SPEF2: variants seen among roughly 807,000 people sequenced by gnomAD.
The protein encoded by SPEF2 is sperm flagella and cilia-associated protein 2.
A neutral mutation model predicts 224.6 loss-of-function variants in SPEF2; 187 were observed. That is an observed-to-expected ratio of 0.83 (90% CI 0.74 to 0.94). SPEF2 has a LOEUF of 0.94. Among genes scored for constraint, SPEF2 ranks in the 40% least tolerant of loss-of-function variants. SPEF2 has a pLI of 0.00. For synonymous variants in SPEF2, 715 were observed against 707.3 expected (o/e 1.01, Z -0.17); for missense variants, 2,170 against 2,135.6 (o/e 1.02, Z -0.32).
Position 35,655,549 on chromosome 5 carries a change from T to C in SPEF2, c.978+823T>C, listed in dbSNP as rs192700195. ...ACTTAGAGAAGTCCACCTGGCTTGC[T>C]TCAGGAGACAGTGTCTGGAGGACAA... On this transcript the variant is annotated intron_variant, in intron 7 of 36. Coordinates refer to ENST00000356031, the MANE Select transcript of SPEF2 (RefSeq NM_024867.4). Among the ~76,000 whole-genome samples the C allele has an allele frequency of 4.6e-5, 7 of 152,272 alleles. No individual in the cohort carries two copies. In the East Asian group the frequency reaches 1.4e-3, roughly 29 times the overall value.
intron 34 of SPEF2, among the ~76,000 whole-genome samples, chr5:35,801,516 A>G (rs900456777): frequency 1.3e-5 from 2 of 152,138 alleles, no homozygotes; most frequent in Admixed American, 1.3e-4. Context: ...CCATCTCAAA[A>G]AAAAAAAAAA....
At chr5:35,764,595 G>C (rs988301068) in intron 26 of SPEF2, 2 of 456,116 alleles carry the variant, frequency 4.4e-6, no homozygotes, top group Non-Finnish European at 8.8e-6. Context: ...AGCCTTCTTC[G>C]AGTTTCCATG....
intron 4 of SPEF2, among the ~76,000 whole-genome samples, chr5:35,645,316 G>A (rs989063): frequency 0.61 from 92,080 of 151,942 alleles, 28,601 homozygotes; most frequent in East Asian, 0.74. Context: ...GGAAGAATGG[G>A]AAGATGACAG....
intron 5 of SPEF2, among the ~76,000 whole-genome samples, chr5:35,647,120 G>A (rs1172527480): frequency 6.6e-6 from 1 of 152,186 alleles, no homozygotes; most frequent in Non-Finnish European, 1.5e-5. Context: ...TGTTGTAATG[G>A]GTCATGTCTT....
At chr5:35,778,127 G>A (rs73747971) in intron 29 of SPEF2, among the ~76,000 whole-genome samples, 5,093 of 152,266 alleles carry the variant, frequency 0.033, 249 homozygotes, top group South Asian at 0.12. Context: ...TGTTCAGTAT[G>A]TGGTATATTT....
intron 20 of SPEF2, among the ~76,000 whole-genome samples, chr5:35,722,480 G>C (rs1204665064): frequency 1.3e-5 from 2 of 150,798 alleles, no homozygotes; most frequent in Non-Finnish European, 3.0e-5. Flanking sequence ...TTTTTTCAAG[G>C]TTTTTTTTCT....
chr5:35,726,988 C>T (rs1445769495), intron 20 of SPEF2, among the ~76,000 whole-genome samples: 1 of 79,002 alleles, frequency 1.3e-5, no homozygotes, highest in Non-Finnish European at 3.0e-5. Flanking sequence ...AAGCACCCCC[C>T]CCCTTTCCTC....
chr5:35,690,810 A>T (rs374189246), intron 10 of SPEF2, among the ~76,000 whole-genome samples: 41 of 152,292 alleles, frequency 2.7e-4, no homozygotes, highest in African/African-American at 9.4e-4. Context: ...GCTCACTTTC[A>T]TAAGCTAAGA....
chr5:35,699,737 A>C (rs1403174629), intron 15 of SPEF2: 1 of 152,228 alleles, frequency 6.6e-6, no homozygotes, highest in Non-Finnish European at 1.5e-5. Flanking sequence ...ATGAATTAGG[A>C]AACTGAGGTG....
chr5:35,684,740 C>G (rs191967836), intron 10 of SPEF2, among the ~76,000 whole-genome samples: 225 of 152,210 alleles, frequency 1.5e-3, no homozygotes, highest in Middle Eastern at 0.014. Context: ...GTAGCAGAAG[C>G]CTTATATAAT....
intron 21 of SPEF2, among the ~76,000 whole-genome samples, chr5:35,730,123 A>T (rs959525050): frequency 1.2e-4 from 19 of 152,182 alleles, no homozygotes; most frequent in Admixed American, 6.5e-4. Flanking sequence ...AGACCTTCTA[A>T]GGGCCCCAGG....
chr5:35,670,613 T>C, intron 10 of SPEF2: 1 of 986,322 alleles, frequency 1.0e-6, no homozygotes, highest in Non-Finnish European at 1.2e-6. Flanking sequence ...ATAGACTTTT[T>C]TTACAGGCAA....
intron 25 of SPEF2, among the ~76,000 whole-genome samples, chr5:35,763,198 A>G (rs1373162587): frequency 6.6e-6 from 1 of 152,180 alleles, no homozygotes; most frequent in African/African-American, 2.4e-5. Flanking sequence ...TGGGAAGTGT[A>G]TGCTCTGGAA....
intron 36 of SPEF2, 82 bp downstream of exon 36, chr5:35,807,335 T>C: frequency 1.3e-6 from 2 of 1,523,128 alleles, no homozygotes; most frequent in Non-Finnish European, 8.8e-7. Context: ...TGAGCTGGCA[T>C]GGAAGAGAAA....
chr5:35,624,661 G>A (rs889754254), intron 1 of SPEF2, among the ~76,000 whole-genome samples: 3 of 151,334 alleles, frequency 2.0e-5, no homozygotes, highest in Non-Finnish European at 2.9e-5. Context: ...TTTTTGAGAC[G>A]GAGTCTTGCT....
chr5:35,634,675 T>TTG (rs573546884), intron 2 of SPEF2, among the ~76,000 whole-genome samples: 29 of 152,226 alleles, frequency 1.9e-4, no homozygotes, highest in African/African-American at 6.7e-4. Flanking sequence ...CTCTGAGGCT[T>TTG]TGTTCATTGT....
chr5:35,715,025 C>T (rs188388549), intron 20 of SPEF2, among the ~76,000 whole-genome samples: 1 of 152,106 alleles, frequency 6.6e-6, no homozygotes, highest in African/African-American at 2.4e-5. Context: ...AAGCAATCCT[C>T]CCACCCTAGC....
chr5:35,790,216 C>T (rs1425785498), intron 30 of SPEF2: 7 of 689,934 alleles, frequency 1.0e-5, no homozygotes, highest in Admixed American at 4.2e-5. Context: ...GAAAGTATGA[C>T]GGATGTCCTA....
In SPEF2 at chr5:35,646,826, A is replaced by C. The variant is rs1349118517; in HGVS notation, c.726+19A>C. ...GGCAGAAGTAAGTGATAATCCTTTA[A>C]TATTGTGCTGTGTTTATCTTAACTA... On this transcript the variant is annotated intron_variant, in intron 5 of 36. Coordinates refer to ENST00000356031, the MANE Select transcript of SPEF2 (RefSeq NM_024867.4). 6.2e-7 allele frequency: 1 copy of C among 1,612,670 alleles called. No homozygotes were observed. Among genetic ancestry groups the C allele is most frequent in the South Asian group, 1.1e-5 (1 of 90,890 alleles).
Sources: gnomAD v4.1 joint callset for allele counts (sites outside exome capture counted in the v4.1 genomes callset) on GRCh38, gnomAD v4.1.1 for gene constraint, MANE v1.5 for transcripts, NCBI Gene and HGNC (gene_info 2026-07-23, HGNC 2026-07-21) for gene names.